The following SUCLG2 variants were observed in gnomAD, a reference collection of about 807,000 sequenced individuals.
The protein encoded by SUCLG2 is succinate--CoA ligase [GDP-forming] subunit beta, mitochondrial.
In SUCLG2, 42 loss-of-function variants were observed where a neutral mutation model predicts 47.9. The observed-to-expected ratio is 0.88, with a 90% CI of 0.69 to 1.14. SUCLG2 has a LOEUF of 1.14. SUCLG2 is among the 50% of genes most tolerant of loss of function. The pLI is 0.00. For synonymous variants in SUCLG2, 195 were observed against 197.3 expected (o/e 0.99, Z 0.10); for missense variants, 571 against 525.9 (o/e 1.09, Z -0.84).
chr3:67,651,197 G>T (rs952183815), intron 1 of SUCLG2, among the ~76,000 whole-genome samples: 1 of 152,156 alleles, frequency 6.6e-6, no homozygotes. Context: ...TTACATGCCT[G>T]TGCTTTGGCT....
chr3:67,592,098 T>C (rs964918120), intron 2 of SUCLG2, among the ~76,000 whole-genome samples: 7 of 152,206 alleles, frequency 4.6e-5, no homozygotes, highest in East Asian at 1.9e-4. Context: ...GTTCCTTTCA[T>C]AGATGGGGAA....
At chr3:67,610,235 C>T (rs1700503044) in intron 1 of SUCLG2, among the ~76,000 whole-genome samples, 1 of 152,138 alleles carries the variant, frequency 6.6e-6, no homozygotes, top group Non-Finnish European at 1.5e-5. Flanking sequence ...GTGTGTTTAA[C>T]GAGATTATCT....
At chr3:67,477,520 C>A (rs911035551) in intron 9 of SUCLG2, among the ~76,000 whole-genome samples, 1 of 152,264 alleles carries the variant, frequency 6.6e-6, no homozygotes, top group South Asian at 2.1e-4. Context: ...CATGGCAAAA[C>A]CCCGTCTCTA....
chr3:67,367,396 A>T (rs777003830), intron 10 of SUCLG2, among the ~76,000 whole-genome samples: 2 of 152,150 alleles, frequency 1.3e-5, no homozygotes, highest in Non-Finnish European at 2.9e-5. Context: ...AAATGTGTAA[A>T]AGCATTTGTA....
intron 8 of SUCLG2, among the ~76,000 whole-genome samples, chr3:67,496,490 C>T (rs1284721327): frequency 6.6e-6 from 1 of 152,134 alleles, no homozygotes; most frequent in Non-Finnish European, 1.5e-5. Flanking sequence ...CTTTTTTACA[C>T]TTAGTACAGT....
intron 2 of SUCLG2, among the ~76,000 whole-genome samples, chr3:67,560,321 CCACCA>C (rs1310777462): frequency 6.6e-6 from 1 of 152,150 alleles, no homozygotes; most frequent in Non-Finnish European, 1.5e-5. Flanking sequence ...GCCAACCCTG[CCACCA>C]CCTTGAGCAG....
chr3:67,386,810 T>A (rs755163310), intron 10 of SUCLG2, among the ~76,000 whole-genome samples: 6 of 152,202 alleles, frequency 3.9e-5, no homozygotes, highest in Non-Finnish European at 7.3e-5. Flanking sequence ...ACAGTATCAT[T>A]CTTGGAACAG....
intron 10 of SUCLG2, among the ~76,000 whole-genome samples, chr3:67,391,611 G>T (rs952047294): frequency 2.0e-5 from 3 of 152,194 alleles, no homozygotes; most frequent in Non-Finnish European, 4.4e-5. Context: ...AGCCTCGGTA[G>T]ATTGACTGTG....
At chr3:67,433,848 G>A (rs927933495) in intron 9 of SUCLG2, among the ~76,000 whole-genome samples, 1 of 150,864 alleles carries the variant, frequency 6.6e-6, no homozygotes, top group African/African-American at 2.4e-5. Flanking sequence ...AGTTAGCCTA[G>A]CTCTACAAAA....
At chr3:67,360,990 G>A (rs866800372) in intron 10 of SUCLG2, among the ~76,000 whole-genome samples, 1 of 152,102 alleles carries the variant, frequency 6.6e-6, no homozygotes, top group Non-Finnish European at 1.5e-5. Flanking sequence ...TTCTTGGATT[G>A]CTGACATTTG....
At chr3:67,580,842 T>C (rs1707863035) in intron 2 of SUCLG2, among the ~76,000 whole-genome samples, 1 of 152,158 alleles carries the variant, frequency 6.6e-6, no homozygotes, top group Admixed American at 6.5e-5. Flanking sequence ...TGTAACCCAA[T>C]AAATGTCAAA....
Position 67,647,072 on chromosome 3 carries a change from T to A in SUCLG2, c.84+7431A>T, listed in dbSNP as rs141719818. Among the ~76,000 whole-genome samples the A allele has an allele frequency of 6.2e-3, 937 of 152,054 alleles. 15 individuals carry two copies. Among genetic ancestry groups the A allele is most frequent in the African/African-American group, 0.021 (891 of 41,464 alleles). ...CAGCCCTCCTGAACCTCCTTAGGGC[T>A]CTCAAGTCACAACTCTGGGACTAAG... On this transcript the variant is annotated intron_variant, in intron 1 of 10. Transcript: ENST00000307227.
At chr3:67,451,179 A>C (rs1704048081) in intron 9 of SUCLG2, among the ~76,000 whole-genome samples, 1 of 152,170 alleles carries the variant, frequency 6.6e-6, no homozygotes, top group Admixed American at 6.5e-5. Context: ...AACACCTTTC[A>C]CAATTCTAAA....
intron 7 of SUCLG2, among the ~76,000 whole-genome samples, chr3:67,500,901 CT>C (rs1265568503): frequency 6.6e-6 from 1 of 152,184 alleles, no homozygotes; most frequent in Non-Finnish European, 1.5e-5. Context: ...CAGTTACAAG[CT>C]GCTTCAGAGA....
chr3:67,518,768 AC>A (rs1323508033), intron 5 of SUCLG2, among the ~76,000 whole-genome samples: 1 of 152,192 alleles, frequency 6.6e-6, no homozygotes. Flanking sequence ...GATAATTATT[AC>A]TGTTACCTTA....
At chr3:67,598,227 C>T (rs1039397833) in intron 2 of SUCLG2, among the ~76,000 whole-genome samples, 1 of 152,004 alleles carries the variant, frequency 6.6e-6, no homozygotes, top group Non-Finnish European at 1.5e-5. Flanking sequence ...GGCAACACGC[C>T]CACCTCGGCC....
chr3:67,463,677 C>A (rs1014754085), intron 9 of SUCLG2, among the ~76,000 whole-genome samples: 2 of 152,198 alleles, frequency 1.3e-5, no homozygotes, highest in Non-Finnish European at 2.9e-5. Context: ...TGGTACCCCA[C>A]TTATATTTAA....
intron 10 of SUCLG2, among the ~76,000 whole-genome samples, chr3:67,366,991 A>C (rs954962036): frequency 2.0e-5 from 3 of 152,220 alleles, no homozygotes; most frequent in African/African-American, 7.2e-5. Context: ...ACTGCACTTC[A>C]AAGTTAAAGA....
chr3:67,557,490 C>A (rs1304570058), intron 2 of SUCLG2, among the ~76,000 whole-genome samples: 2 of 152,176 alleles, frequency 1.3e-5, no homozygotes, highest in Non-Finnish European at 2.9e-5. Flanking sequence ...ATAAAAAGCA[C>A]AGATGACATC....
Sources: gnomAD v4.1 joint callset for allele counts (sites outside exome capture counted in the v4.1 genomes callset) on GRCh38, gnomAD v4.1.1 for gene constraint, MANE v1.5 for transcripts, NCBI Gene and HGNC (gene_info 2026-07-23, HGNC 2026-07-21) for gene names.